NTN4: variants seen among roughly 807,000 people sequenced by gnomAD.
The protein encoded by NTN4 is netrin 4.
A neutral mutation model predicts 73.6 loss-of-function variants in NTN4; 32 were observed. That is an observed-to-expected ratio of 0.44 (90% CI 0.33 to 0.58). The LOEUF is 0.58. Among genes scored for constraint, NTN4 ranks in the 20% least tolerant of loss-of-function variants. The pLI is 0.04. For missense variants in NTN4, 654 were observed against 798.3 expected (o/e 0.82, Z 2.18); for synonymous variants, 258 against 287.5 (o/e 0.90, Z 1.04).
At position 95,780,680 on chromosome 12, in the gene NTN4, G is replaced by A. The variant is rs886639197; in HGVS notation, c.585+6259C>T. ...GTGCTGGAGAGGATGTGGAGAAATA[G>A]GAACACTTTTACACTGTTGGTAGGA... is the stretch of plus-strand genomic sequence containing the variant. On this transcript the variant is annotated intron_variant, in intron 2 of 9. Coordinates refer to ENST00000343702, the MANE Select transcript of NTN4 (RefSeq NM_021229.4). Among the ~76,000 whole-genome samples, 80 of 152,320 alleles carry A rather than the reference G, an allele frequency of 5.3e-4. 1 individual carries two copies. The highest frequency in any genetic ancestry group is 3.4e-3 in the Admixed American group (52 of 15,300).
chr12:95,715,674 A>T (rs917531668), intron 3 of NTN4, among the ~76,000 whole-genome samples: 1 of 151,956 alleles, frequency 6.6e-6, no homozygotes, highest in Non-Finnish European at 1.5e-5. Context: ...CTCTATAAAA[A>T]TGAGATTTTT....
At chr12:95,728,293 T>C (rs1002224474) in intron 3 of NTN4, among the ~76,000 whole-genome samples, 4 of 152,186 alleles carry the variant, frequency 2.6e-5, no homozygotes, top group Non-Finnish European at 5.9e-5. Flanking sequence ...TTTTCTAGCC[T>C]AATTGCCCTG....
chr12:95,678,239 C>T (rs182603312), intron 7 of NTN4, among the ~76,000 whole-genome samples: 11 of 149,292 alleles, frequency 7.4e-5, no homozygotes, highest in Middle Eastern at 3.5e-3. Context: ...CTAATGCGTG[C>T]AGGGCTTAAA....
At chr12:95,708,412 C>T (rs185010181) in intron 5 of NTN4, among the ~76,000 whole-genome samples, 2,648 of 151,734 alleles carry the variant, frequency 0.017, 42 homozygotes, top group African/African-American at 0.036. Context: ...CTCAGCCTCC[C>T]GAGTAGCTGG....
intron 2 of NTN4, among the ~76,000 whole-genome samples, chr12:95,768,820 A>G (rs1292224948): frequency 3.3e-5 from 5 of 152,188 alleles, no homozygotes; most frequent in Non-Finnish European, 5.9e-5. Flanking sequence ...GGATGGAGAG[A>G]GGCATACCCA....
chr12:95,747,565 A>G (rs2121205164), intron 2 of NTN4, among the ~76,000 whole-genome samples: 1 of 152,192 alleles, frequency 6.6e-6, no homozygotes, highest in South Asian at 2.1e-4. Context: ...TGGTCTCTCA[A>G]AGTTTTGGGA....
rs757810418 is a variant in NTN4 at position 95,665,870 on chromosome 12, G to A, written c.1690C>T (p.Arg564Ter). The A allele has an allele frequency of 1.9e-6, 3 of 1,613,782 alleles. No homozygotes were observed. The highest frequency in any genetic ancestry group is 1.1e-5 in the South Asian group (1 of 91,066). Residue 564 changes from arginine (R) to a stop codon, truncating the protein, a stop_gained, in exon 9 of 10, where the codon CGA becomes TGA. Coordinates refer to ENST00000343702, the MANE Select transcript of NTN4 (RefSeq NM_021229.4). LOFTEE classifies it high-confidence loss of function. ...STKLKIFRGK[R>*]TLYPESWTDR... ...GTCCATGATTCTGGATATAATGTTC[G>A]CTTTCCTCGGAAAATCTTCAGTTTG...
chr12:95,768,779 A>C (rs1035555062), intron 2 of NTN4, among the ~76,000 whole-genome samples: 4 of 152,234 alleles, frequency 2.6e-5, no homozygotes, highest in Non-Finnish European at 4.4e-5. Context: ...AAGAAAAATA[A>C]GAGTGGTTTG....
intron 7 of NTN4, chr12:95,672,594 A>G: frequency 1.3e-6 from 2 of 1,526,832 alleles, no homozygotes; most frequent in Non-Finnish European, 1.8e-6. Flanking sequence ...GGTCTGACCG[A>G]TCTCGGTAAA....
intron 5 of NTN4, among the ~76,000 whole-genome samples, chr12:95,698,701 T>C (rs2078459865): frequency 6.6e-6 from 1 of 151,760 alleles, no homozygotes; most frequent in Non-Finnish European, 1.5e-5. Flanking sequence ...AATAAAAAAT[T>C]AAAAAATTAG....
chr12:95,687,538 T>A (rs2078371152), intron 5 of NTN4, among the ~76,000 whole-genome samples: 1 of 151,850 alleles, frequency 6.6e-6, no homozygotes, highest in African/African-American at 2.4e-5. Flanking sequence ...GTAGCTGGGA[T>A]TATAGGTGCC....
intron 3 of NTN4, 36 bp from the exon 4 acceptor site, chr12:95,713,374 A>T (rs758900831): frequency 1.3e-6 from 2 of 1,529,708 alleles, no homozygotes; most frequent in Non-Finnish European, 1.8e-6. Flanking sequence ...ATGAGCACAC[A>T]TGTCGCCAAA....
chr12:95,767,890 G>A lies in NTN4; in HGVS notation c.585+19049C>T, dbSNP rs188021129. On this transcript the variant is annotated intron_variant, in intron 2 of 9. Coordinates refer to ENST00000343702, the MANE Select transcript of NTN4 (RefSeq NM_021229.4). ...GCAGAGGGATGTAACCCATGACATC[G>A]TCCTTGTTGAGAAATCACACCGACC... is the stretch of plus-strand genomic sequence containing the variant. 9.9e-5 allele frequency among the ~76,000 whole-genome samples: 15 copies of A among 152,222 alleles called. No homozygotes were observed. The East Asian group carries it at 2.5e-3, about 25-fold the overall frequency.
intron 5 of NTN4, among the ~76,000 whole-genome samples, chr12:95,705,282 G>A (rs7309640): frequency 0.054 from 8,264 of 152,058 alleles, 385 homozygotes; most frequent in Admixed American, 0.16. Context: ...AAATATACAT[G>A]GCTATATCTA....
Position 95,665,976 on chromosome 12 carries a change from T to C in NTN4, c.1584A>G (p.Leu528=). ...CATGAGCTGATAAAATCTTTATTTTTAGCACTGTTAACACAGAAGTCAAAA... is the reference window on the plus strand; with the variant it reads ...CATGAGCTGATAAAATCTTTATTTTCAGCACTGTTAACACAGAAGTCAAAA... ...AFCGMKYSYV[L]KIKILSAHDK... The change falls in exon 9 of 10, where the codon CTA becomes CTG. Residue 528 remains leucine (L), a synonymous_variant. Transcript: ENST00000343702. 1 of 1,606,890 alleles carries C rather than the reference T, an allele frequency of 6.2e-7. No individual in the cohort carries two copies.
intron 4 of NTN4, 47 bp downstream of exon 4, chr12:95,713,165 T>C (rs4129599): frequency 0.24 from 389,108 of 1,589,396 alleles, 54,252 homozygotes; most frequent in African/African-American, 0.55. Flanking sequence ...CACAGATGCG[T>C]TGACTTTACA....
intron 2 of NTN4, among the ~76,000 whole-genome samples, chr12:95,778,249 G>A (rs2079108282): frequency 1.3e-5 from 2 of 152,088 alleles, no homozygotes; most frequent in Non-Finnish European, 2.9e-5. Context: ...ACAATTAAAA[G>A]AACTAGAGAA....
chr12:95,710,473 C>A lies in NTN4; in HGVS notation c.1148G>T (p.Arg383Leu). ...RCKPGFYRDL[R>L]RPFSAPDACK... ...AGCATCTGGAGCTGAGAAGGGTCTC[C>A]GCAGGTCACGATAGAAGCCTGGCTT... The change falls in exon 5 of 10, where the codon CGG becomes CTG. Residue 383 changes from arginine (R) to leucine (L), a missense_variant. Physicochemically the swap from Arg to Leu is moderately radical, Grantham distance 102. Transcript: ENST00000343702. The A allele has an allele frequency of 6.2e-7, 1 of 1,613,990 alleles. No homozygotes were observed. Among genetic ancestry groups the A allele is most frequent in the Non-Finnish European group, 8.5e-7 (1 of 1,179,978 alleles).
chr12:95,760,419 C>T (rs1357082973), intron 2 of NTN4, among the ~76,000 whole-genome samples: 2 of 152,192 alleles, frequency 1.3e-5, no homozygotes, highest in African/African-American at 4.8e-5. Context: ...GTGTACAGAT[C>T]TCTGGACTTC....
Sources: allele counts gnomAD v4.1 joint callset (sites outside exome capture counted in the v4.1 genomes callset), GRCh38; gene constraint gnomAD v4.1.1; transcripts MANE v1.5; gene names NCBI Gene and HGNC (gene_info 2026-07-23, HGNC 2026-07-21).